The following CAMK1D variants were observed in gnomAD, a reference collection of about 807,000 sequenced individuals.
CAMK1D encodes calcium/calmodulin dependent protein kinase ID, also known as calcium/calmodulin-dependent protein kinase type 1D.
Under a neutral mutation model 47.7 loss-of-function variants are expected in CAMK1D, and 9 were observed. That is an observed-to-expected ratio of 0.19 (90% CI 0.11 to 0.33). CAMK1D has a LOEUF of 0.33. CAMK1D is among the 10% of genes least tolerant of loss of function. CAMK1D has a pLI of 1.00. For synonymous variants in CAMK1D, 184 were observed against 184.9 expected, an observed-to-expected ratio of 0.99 and a Z score of 0.04; for missense variants, 291 against 488.7, an observed-to-expected ratio of 0.60 and a Z score of 3.81.
At chr10:12,526,608 A>G (rs1363234098) in intron 1 of CAMK1D, among the ~76,000 whole-genome samples, 2 of 152,156 alleles carry the variant, frequency 1.3e-5, no homozygotes, top group African/African-American at 4.8e-5. Flanking sequence ...GAGCAAAACA[A>G]GAGAAAAGGA....
At chr10:12,731,523 C>T (rs530726218) in intron 3 of CAMK1D, among the ~76,000 whole-genome samples, 6 of 152,290 alleles carry the variant, frequency 3.9e-5, no homozygotes, top group Admixed American at 3.3e-4. Context: ...ATGTTTCCAC[C>T]TCATGTTCAG....
chr10:12,413,622 T>C (rs919890126), intron 1 of CAMK1D, among the ~76,000 whole-genome samples: 2 of 152,226 alleles, frequency 1.3e-5, no homozygotes, highest in African/African-American at 4.8e-5. Context: ...ATGCTAATTA[T>C]GGAAGGACAG....
intron 3 of CAMK1D, 67 bp downstream of exon 3, chr10:12,666,877 G>T: frequency 7.6e-7 from 1 of 1,320,548 alleles, no homozygotes; most frequent in Non-Finnish European, 1.1e-6. Flanking sequence ...AAGGGATCAG[G>T]TGGGAAAAGA....
At position 12,602,525 on chromosome 10, in the gene CAMK1D, G is replaced by C. The variant is rs558894333; in HGVS notation, c.224+49169G>C. ...ATTTGTAGGAGCAGGTGCCATTTGG[G>C]ACAGAGCACAGGGTGTGGGAGCATT... On this transcript the variant is annotated intron_variant, in intron 2 of 10. Transcript: ENST00000619168. 2.0e-5 allele frequency among the ~76,000 whole-genome samples: 3 copies of C among 152,306 alleles called. No homozygotes were observed. The East Asian group carries it at 5.8e-4, about 29-fold the overall frequency.
chr10:12,820,344 A>C (rs1832972372), intron 8 of CAMK1D, among the ~76,000 whole-genome samples: 1 of 152,220 alleles, frequency 6.6e-6, no homozygotes, highest in Non-Finnish European at 1.5e-5. Flanking sequence ...TAACCCTCCC[A>C]ATAAGTCAAA....
At chr10:12,442,889 A>G (rs1832822368) in intron 1 of CAMK1D, among the ~76,000 whole-genome samples, 1 of 152,240 alleles carries the variant, frequency 6.6e-6, no homozygotes, top group Non-Finnish European at 1.5e-5. Context: ...AACCATGACA[A>G]GAGACAGCAG....
intron 6 of CAMK1D, among the ~76,000 whole-genome samples, chr10:12,808,544 G>C (rs56144639): frequency 6.6e-6 from 1 of 152,098 alleles, no homozygotes; most frequent in South Asian, 2.1e-4. Context: ...TTGGGAGGCC[G>C]AGCTGGGTGG....
chr10:12,694,822 A>G (rs1410137716), intron 3 of CAMK1D, among the ~76,000 whole-genome samples: 4 of 151,786 alleles, frequency 2.6e-5, no homozygotes, highest in Non-Finnish European at 4.4e-5. Flanking sequence ...CAAAAGCAAC[A>G]CTGGATACAG....
intron 1 of CAMK1D, among the ~76,000 whole-genome samples, chr10:12,367,593 C>T (rs901205131): frequency 4.6e-5 from 7 of 151,974 alleles, no homozygotes; most frequent in Non-Finnish European, 8.8e-5. Context: ...CTGCAAGCCA[C>T]CTGGGGGTGA....
At chr10:12,656,112 G>A (rs778415532) in intron 2 of CAMK1D, among the ~76,000 whole-genome samples, 3 of 152,214 alleles carry the variant, frequency 2.0e-5, no homozygotes, top group Admixed American at 6.5e-5. Context: ...GGAAGGGGAT[G>A]TGACCAGAAT....
intron 2 of CAMK1D, among the ~76,000 whole-genome samples, chr10:12,580,466 A>G (rs1384939809): frequency 4.6e-5 from 7 of 151,710 alleles, no homozygotes. Flanking sequence ...TGAATTAGCT[A>G]CAGATTAACT....
At position 12,567,248 on chromosome 10, in the gene CAMK1D, G is replaced by C. The variant is rs1026724728; in HGVS notation, c.224+13892G>C. Reference sequence around the variant, plus strand: ...TTTCCATCCTCTCCTTCAGCTGCAGGCCTGAGAGCTGTGCTGTTCCTTCTC... The same window carrying C: ...TTTCCATCCTCTCCTTCAGCTGCAGCCCTGAGAGCTGTGCTGTTCCTTCTC... On this transcript the variant is annotated intron_variant, in intron 2 of 10. Transcript: ENST00000619168. 2.0e-5 allele frequency among the ~76,000 whole-genome samples: 3 copies of C among 152,170 alleles called. No individual in the cohort carries two copies. The South Asian group carries it at 6.2e-4, about 32-fold the overall frequency.
At chr10:12,606,507 T>C (rs535455347) in intron 2 of CAMK1D, among the ~76,000 whole-genome samples, 1 of 152,300 alleles carries the variant, frequency 6.6e-6, no homozygotes. Context: ...GGGCTCAGAA[T>C]GGATGGCTGG....
At chr10:12,498,836 T>C (rs1564374341) in intron 1 of CAMK1D, among the ~76,000 whole-genome samples, 1 of 152,182 alleles carries the variant, frequency 6.6e-6, no homozygotes, top group Non-Finnish European at 1.5e-5. Context: ...TGTTGGGGGT[T>C]CAATTTAGTA....
chr10:12,493,070 A>G (rs1834435290), intron 1 of CAMK1D, among the ~76,000 whole-genome samples: 1 of 152,156 alleles, frequency 6.6e-6, no homozygotes. Context: ...ACTCTTGTTG[A>G]TAACAGGGCA....
intron 1 of CAMK1D, among the ~76,000 whole-genome samples, chr10:12,404,920 C>T (rs1676387186): frequency 6.6e-6 from 1 of 151,976 alleles, no homozygotes; most frequent in South Asian, 2.1e-4. Flanking sequence ...AACTCCTGAC[C>T]TCCATCCGCC....
Position 12,374,526 on chromosome 10 carries a change from T to C in CAMK1D, c.92+24616T>C, listed in dbSNP as rs572526344. On this transcript the variant is annotated intron_variant, in intron 1 of 10. Coordinates refer to ENST00000619168, the MANE Select transcript of CAMK1D (RefSeq NM_153498.4). ...TGATTCTTCAGGGCCAACTCAAATCTGATCTCTGCCACCCACTGCTCCCAG... is the reference window on the plus strand; with the variant it reads ...TGATTCTTCAGGGCCAACTCAAATCCGATCTCTGCCACCCACTGCTCCCAG... 1.4e-4 allele frequency among the ~76,000 whole-genome samples: 21 copies of C among 152,358 alleles called. No individual in the cohort carries two copies. The South Asian group carries it at 1.7e-3, about 12-fold the overall frequency.
chr10:12,574,993 C>T (rs557833595), intron 2 of CAMK1D, among the ~76,000 whole-genome samples: 2 of 152,312 alleles, frequency 1.3e-5, no homozygotes, highest in African/African-American at 4.8e-5. Context: ...CCAATCACCT[C>T]CCACCAGGCC....
intron 8 of CAMK1D, among the ~76,000 whole-genome samples, chr10:12,817,768 G>A (rs1277211790): frequency 6.6e-6 from 1 of 152,176 alleles, no homozygotes; most frequent in Non-Finnish European, 1.5e-5. Context: ...TCGGCTCACT[G>A]CAGCCTCCGC....
Sources: gnomAD v4.1 joint callset for allele counts (sites outside exome capture counted in the v4.1 genomes callset) on GRCh38, gnomAD v4.1.1 for gene constraint, MANE v1.5 for transcripts, NCBI Gene and HGNC (gene_info 2026-07-23, HGNC 2026-07-21) for gene names.